Variants in GPAM observed in about 807,000 individuals in gnomAD.
GPAM encodes the protein glycerol-3-phosphate acyltransferase, mitochondrial.
Under a neutral mutation model 105.0 loss-of-function variants are expected in GPAM, and 56 were observed. The observed-to-expected ratio is 0.53, with a 90% CI of 0.43 to 0.67. The LOEUF (loss-of-function observed/expected upper bound fraction) is 0.67, where lower values mean the gene tolerates loss of function less well. GPAM is among the 30% of genes least tolerant of loss of function. The probability of loss-of-function intolerance (pLI) is 0.00; values close to 1 mark genes in which losing one functional copy is unlikely to be tolerated. For missense variants in GPAM, 855 were observed against 989.8 expected, an observed-to-expected ratio of 0.86 and a Z score of 1.83; for synonymous variants, 368 against 354.4, an observed-to-expected ratio of 1.04 and a Z score of -0.43.
At chr10:112,164,852 T>C (rs1284650944) in intron 12 of GPAM, among the ~76,000 whole-genome samples, 3 of 152,174 alleles carry the variant, frequency 2.0e-5, no homozygotes, top group Non-Finnish European at 2.9e-5. Flanking sequence ...TTAAACAAAA[T>C]CATTTTAAAA....
Position 112,178,434 on chromosome 10 carries a change from C to T in GPAM, c.226-377G>A, listed in dbSNP as rs551116817. Reference sequence around the variant, plus strand: ...GTGTGGTGGTCGGTGCCTGTAATCCCAGCTACTTGGGAGGCTGAGGCAGGA... The same window carrying T: ...GTGTGGTGGTCGGTGCCTGTAATCCTAGCTACTTGGGAGGCTGAGGCAGGA... On this transcript the variant is annotated intron_variant, in intron 4 of 21. Coordinates refer to ENST00000348367, the MANE Select transcript of GPAM (RefSeq NM_001244949.2). Among the ~76,000 whole-genome samples, 18 of 152,144 alleles carry T rather than the reference C, an allele frequency of 1.2e-4. No individual in the cohort carries two copies. In the South Asian group the frequency reaches 3.7e-3, roughly 32 times the overall value.
At chr10:112,221,154 G>A in the GPAM span, among the ~76,000 whole-genome samples, 1 of 151,808 alleles carries the variant, frequency 6.6e-6, no homozygotes, top group Non-Finnish European at 1.5e-5. Flanking sequence ...TTTTAATTTG[G>A]TAAACATTCA....
chr10:112,192,166 T>C (rs538403700), intron 1 of GPAM, among the ~76,000 whole-genome samples: 21 of 152,274 alleles, frequency 1.4e-4, no homozygotes, highest in African/African-American at 4.8e-4. Context: ...ACATAAGCTA[T>C]TTAAAGACAG....
At chr10:112,156,313 G>T (rs1327952042) in intron 19 of GPAM, 11 of 488,650 alleles carry the variant, frequency 2.3e-5, no homozygotes, top group Admixed American at 6.7e-5. Context: ...CCACCTAGAA[G>T]AAATTTTCAT....
At chr10:112,168,105 C>T (rs989307091) in intron 11 of GPAM, among the ~76,000 whole-genome samples, 2 of 152,160 alleles carry the variant, frequency 1.3e-5, no homozygotes, top group Non-Finnish European at 2.9e-5. Flanking sequence ...CTGCCAAGCT[C>T]AAGAAAACAC....
chr10:112,161,576 TG>T, intron 15 of GPAM, 90 bp downstream of exon 15: 1 of 995,732 alleles, frequency 1.0e-6, no homozygotes, highest in Non-Finnish European at 1.6e-6. Flanking sequence ...TAGCCATGAG[TG>T]GGCCAAATCT....
chr10:112,198,355 T>C (rs993909960), intron 1 of GPAM, among the ~76,000 whole-genome samples: 1 of 152,258 alleles, frequency 6.6e-6, no homozygotes, highest in Non-Finnish European at 1.5e-5. Flanking sequence ...TTTCCAGGTA[T>C]AAACGTGCAT....
chr10:112,185,789 A>G (rs2133276360), upstream of GPAM, among the ~76,000 whole-genome samples: 1 of 151,990 alleles, frequency 6.6e-6, no homozygotes, highest in East Asian at 1.9e-4. Flanking sequence ...AAAAACAAAC[A>G]AACAAAAAAA....
intron 9 of GPAM, among the ~76,000 whole-genome samples, chr10:112,171,152 C>T (rs1847306073): frequency 6.6e-6 from 1 of 152,164 alleles, no homozygotes; most frequent in Non-Finnish European, 1.5e-5. Flanking sequence ...CTTTTAATTT[C>T]CCAAACCAGC....
chr10:112,226,628 C>T, the GPAM span, among the ~76,000 whole-genome samples: 2 of 152,112 alleles, frequency 1.3e-5, no homozygotes, highest in African/African-American at 2.4e-5. Flanking sequence ...TCTGGGAGCC[C>T]ATGCTATTTA....
At position 112,152,546 on chromosome 10, in the gene GPAM, G is replaced by A. The variant is rs565489233; in HGVS notation, c.*1004C>T. On this transcript the variant is annotated 3_prime_UTR_variant, in exon 22 of 22. Transcript: ENST00000348367. Reference sequence around the variant, plus strand: ...GGGTACCAGTCACCTGGACTGGGGTGCAGTACACAATCTGTGTGCAGTACA... The same window carrying A: ...GGGTACCAGTCACCTGGACTGGGGTACAGTACACAATCTGTGTGCAGTACA... 150 of 985,244 alleles carry A rather than the reference G, an allele frequency of 1.5e-4. No homozygotes were observed. Among genetic ancestry groups the A allele is most frequent in the Non-Finnish European group, 7.2e-6 (6 of 829,760 alleles). 61.0% of individuals were successfully genotyped at this position (985,244 alleles called of 1,614,324 possible).
intron 1 of GPAM, among the ~76,000 whole-genome samples, chr10:112,191,881 G>T (rs1053398093): frequency 2.0e-5 from 3 of 152,178 alleles, no homozygotes; most frequent in Admixed American, 1.3e-4. Context: ...CTTGGAGGTG[G>T]CAGGGCTTCA....
chr10:112,180,624 T>C, intron 3 of GPAM, 29 bp from the exon 4 acceptor site: 1 of 1,593,732 alleles, frequency 6.3e-7, no homozygotes, highest in Non-Finnish European at 8.6e-7. Context: ...AAAATATAGT[T>C]TCTAAATGGC....
chr10:112,184,938 AAGAG>A (rs551615843), upstream of GPAM, among the ~76,000 whole-genome samples: 1 of 152,194 alleles, frequency 6.6e-6, no homozygotes, highest in African/African-American at 2.4e-5. Context: ...GTATGAAGAA[AAGAG>A]AGAGCAATTA....
chr10:112,166,723 T>C (rs1847224677), intron 11 of GPAM, among the ~76,000 whole-genome samples: 1 of 152,220 alleles, frequency 6.6e-6, no homozygotes, highest in South Asian at 2.1e-4. Context: ...CATTGGGAGA[T>C]GGAATTCAGT....
the GPAM span, among the ~76,000 whole-genome samples, chr10:112,221,424 C>A: frequency 5.3e-5 from 8 of 152,302 alleles, no homozygotes; most frequent in Non-Finnish European, 1.5e-5. Flanking sequence ...CACTAGTCTT[C>A]AGGAACTTAA....
rs978665011 is a variant in GPAM at position 112,164,501 on chromosome 10, A to G, written c.1307+24T>C. 4.2e-6 allele frequency: 5 copies of G among 1,193,492 alleles called. No homozygotes were observed. The African/African-American group carries it at 4.5e-5, about 11-fold the overall frequency. 73.9% of individuals were successfully genotyped at this position (1,193,492 alleles called of 1,614,324 possible). On this transcript the variant is annotated intron_variant, in intron 13 of 21. Coordinates refer to ENST00000348367, the MANE Select transcript of GPAM (RefSeq NM_001244949.2). The stretch of plus-strand genomic sequence containing the variant: ...ACAGATGTTTGGTAGCTTGATTAGC[A>G]TTAAACAATTCTACAAATTTTACCT...
the GPAM span, among the ~76,000 whole-genome samples, chr10:112,225,882 C>T: frequency 6.6e-6 from 1 of 152,142 alleles, no homozygotes; most frequent in South Asian, 2.1e-4. Context: ...ATGCCTGGCA[C>T]AATAAATATT....
At chr10:112,223,489 A>G in the GPAM span, among the ~76,000 whole-genome samples, 1 of 152,242 alleles carries the variant, frequency 6.6e-6, no homozygotes, top group East Asian at 1.9e-4. Context: ...TTGAAGTCAC[A>G]TGTTGCAGTG....
Sources: gnomAD v4.1 joint callset for allele counts (sites outside exome capture counted in the v4.1 genomes callset) on GRCh38, gnomAD v4.1.1 for gene constraint, MANE v1.5 for transcripts, NCBI Gene and HGNC (gene_info 2026-07-23, HGNC 2026-07-21) for gene names.